NTM: variants seen among roughly 807,000 people sequenced by gnomAD.
NTM encodes the protein neurotrimin, also known as IgLON family member 2.
Under a neutral mutation model 42.1 loss-of-function variants are expected in NTM, and 13 were observed. The observed-to-expected ratio is 0.31, with a 90% CI of 0.20 to 0.49. NTM has a LOEUF of 0.49. NTM is among the 20% of genes least tolerant of loss of function. The probability of loss-of-function intolerance (pLI) is 0.99; values close to 1 mark genes in which losing one functional copy is unlikely to be tolerated. For synonymous variants in NTM, 187 were observed against 179.2 expected (o/e 1.04, Z -0.35); for missense variants, 373 against 452.8 (o/e 0.82, Z 1.60).
chr11:131,389,024 A>AAAAAAAAAAAGAAAAGAAAAGAAAAG (rs774146196), intron 1 of NTM, among the ~76,000 whole-genome samples: 7 of 89,902 alleles, frequency 7.8e-5, no homozygotes, highest in African/African-American at 9.3e-5. Flanking sequence ...AAAAAAAAAA[A>AAAAAAAAAAAGAAAAGAAAAGAAAAG]AAAAGAAAAG....
intron 1 of NTM, among the ~76,000 whole-genome samples, chr11:131,716,018 T>G (rs1050355138): frequency 6.6e-6 from 1 of 152,204 alleles, no homozygotes; most frequent in Non-Finnish European, 1.5e-5. Context: ...CAAAACATTA[T>G]TAACAGAGCA....
chr11:131,790,214 C>A (rs938680577), intron 1 of NTM, among the ~76,000 whole-genome samples: 1 of 151,970 alleles, frequency 6.6e-6, no homozygotes, highest in East Asian at 1.9e-4. Context: ...AAAATCCGAG[C>A]AAATCATAGA....
At chr11:132,034,961 C>G (rs1303753585) in intron 2 of NTM, among the ~76,000 whole-genome samples, 1 of 152,188 alleles carries the variant, frequency 6.6e-6, no homozygotes, top group Non-Finnish European at 1.5e-5. Context: ...TTTCTGGTCT[C>G]CTAGCATCTT....
intron 1 of NTM, among the ~76,000 whole-genome samples, chr11:131,770,201 T>C (rs965493): frequency 0.43 from 65,609 of 152,116 alleles, 15,741 homozygotes; most frequent in East Asian, 0.62. Context: ...TTCTAGTCAC[T>C]CGATTTGCCT....
intron 1 of NTM, among the ~76,000 whole-genome samples, chr11:131,744,275 TC>T (rs2081531181): frequency 6.6e-6 from 1 of 152,236 alleles, no homozygotes; most frequent in African/African-American, 2.4e-5. Flanking sequence ...CAATTTAACA[TC>T]TAAAGGGACT....
intron 1 of NTM, among the ~76,000 whole-genome samples, chr11:131,856,100 G>C: frequency 6.6e-6 from 1 of 152,166 alleles, no homozygotes. Flanking sequence ...TACTGTGTTT[G>C]GAGCACTGGT....
intron 1 of NTM, among the ~76,000 whole-genome samples, chr11:131,884,650 G>T (rs1025196698): frequency 6.6e-6 from 1 of 152,012 alleles, no homozygotes; most frequent in African/African-American, 2.4e-5. Context: ...GGAAACACGG[G>T]TCCCAGGGGA....
intron 8 of NTM, chr11:132,332,902 T>C (rs2095827081): frequency 6.6e-6 from 1 of 152,244 alleles, no homozygotes; most frequent in African/African-American, 2.4e-5. Context: ...AAGCGGCACT[T>C]GTTTTCCATC....
intron 2 of NTM, among the ~76,000 whole-genome samples, chr11:131,970,845 C>G (rs960786429): frequency 1.3e-5 from 2 of 152,242 alleles, no homozygotes; most frequent in African/African-American, 4.8e-5. Context: ...CCCCTCATCT[C>G]TGATTCTATG....
chr11:132,115,848 G>C (rs1591611595), intron 2 of NTM, among the ~76,000 whole-genome samples: 1 of 152,216 alleles, frequency 6.6e-6, no homozygotes, highest in African/African-American at 2.4e-5. Context: ...GGGCTGGTGA[G>C]CCCTGCTCTT....
intron 2 of NTM, among the ~76,000 whole-genome samples, chr11:132,124,265 G>C (rs2065305658): frequency 6.6e-6 from 1 of 151,856 alleles, no homozygotes; most frequent in African/African-American, 2.4e-5. Flanking sequence ...ATCCCTTCCT[G>C]TCCAGCCCCT....
chr11:131,686,209 G>A (rs750359463), intron 1 of NTM, among the ~76,000 whole-genome samples: 17 of 152,196 alleles, frequency 1.1e-4, no homozygotes, highest in African/African-American at 1.7e-4. Flanking sequence ...CAAATAATGC[G>A]GTGGTTGGGG....
At chr11:131,621,825 GAAA>G (rs34307645) in intron 1 of NTM, among the ~76,000 whole-genome samples, 1 of 105,532 alleles carries the variant, frequency 9.5e-6, no homozygotes, top group African/African-American at 3.5e-5. Flanking sequence ...TCAACTCAAA[GAAA>G]AAAAAAAAAA....
chr11:131,494,878 G>A (rs1955170920), intron 1 of NTM, among the ~76,000 whole-genome samples: 1 of 152,088 alleles, frequency 6.6e-6, no homozygotes, highest in South Asian at 2.1e-4. Context: ...GGCAGCTCTG[G>A]GAAATCACTT....
At chr11:131,982,635 GGT>G (rs755542559) in intron 2 of NTM, among the ~76,000 whole-genome samples, 12 of 152,058 alleles carry the variant, frequency 7.9e-5, no homozygotes, top group Non-Finnish European at 1.6e-4. Context: ...GGGGGGGCAG[GGT>G]GGAATAAAGG....
At chr11:131,770,910 T>G (rs1370830512) in intron 1 of NTM, 1 of 152,216 alleles carries the variant, frequency 6.6e-6, no homozygotes, top group Non-Finnish European at 1.5e-5. Flanking sequence ...GCTTTTGGTG[T>G]GGTGCTGTTG....
At chr11:132,189,986 T>C (rs1377670891) in intron 3 of NTM, among the ~76,000 whole-genome samples, 1 of 152,210 alleles carries the variant, frequency 6.6e-6, no homozygotes. Flanking sequence ...CATATACGAA[T>C]AGTTGCTAAG....
intron 3 of NTM, among the ~76,000 whole-genome samples, chr11:132,208,876 T>C (rs540370493): frequency 8.5e-5 from 13 of 152,324 alleles, no homozygotes; most frequent in Non-Finnish European, 1.8e-4. Flanking sequence ...CGGAGTGCTT[T>C]ACAGATCAAT....
intron 4 of NTM, among the ~76,000 whole-genome samples, chr11:132,219,629 TC>T (rs913064019): frequency 3.6e-4 from 54 of 150,764 alleles, no homozygotes; most frequent in African/African-American, 1.1e-3. Context: ...GAAAAGGCCC[TC>T]CCCCCCCACT....
Sources: allele counts gnomAD v4.1 joint callset (sites outside exome capture counted in the v4.1 genomes callset), GRCh38; gene constraint gnomAD v4.1.1; transcripts MANE v1.5; gene names NCBI Gene and HGNC (gene_info 2026-07-23, HGNC 2026-07-21).